Variants in KCNMA1 observed in about 807,000 individuals in gnomAD.
The protein encoded by KCNMA1 is potassium calcium-activated channel subfamily M alpha 1, also known as Calcium-activated potassium channel subunit alpha-1.
Under a neutral mutation model 140.0 loss-of-function variants are expected in KCNMA1, and 29 were observed. The ratio of observed to expected loss-of-function variants is 0.21; its 90% CI spans 0.15 to 0.28. The LOEUF (loss-of-function observed/expected upper bound fraction) is 0.28. KCNMA1 is among the 10% of genes least tolerant of loss of function. The pLI is 1.00. For synonymous variants in KCNMA1, 612 were observed against 611.9 expected, an observed-to-expected ratio of 1.00 and a Z score of 0.00; for missense variants, 880 against 1,602.2, an observed-to-expected ratio of 0.55 and a Z score of 7.70.
intron 1 of KCNMA1, among the ~76,000 whole-genome samples, chr10:77,450,359 T>C (rs2097617690): frequency 6.6e-6 from 1 of 152,200 alleles, no homozygotes; most frequent in Admixed American, 6.5e-5. Flanking sequence ...CCCAGATTTA[T>C]TTTTTAAACT....
chr10:77,132,656 A>G (rs1596670965), intron 5 of KCNMA1, among the ~76,000 whole-genome samples: 1 of 152,000 alleles, frequency 6.6e-6, no homozygotes, highest in East Asian at 1.9e-4. Flanking sequence ...AAATCCAAGC[A>G]TATTGTGGAT....
intron 2 of KCNMA1, among the ~76,000 whole-genome samples, chr10:77,379,191 A>T (rs1357663976): frequency 1.3e-5 from 2 of 152,216 alleles, no homozygotes; most frequent in Admixed American, 1.3e-4. Context: ...CACCTGCTTG[A>T]CGGAATTCTG....
At chr10:77,418,530 C>T (rs552707981) in intron 1 of KCNMA1, among the ~76,000 whole-genome samples, 4 of 152,192 alleles carry the variant, frequency 2.6e-5, no homozygotes, top group South Asian at 2.1e-4. Context: ...CAGAGCTCAC[C>T]GAGTGTCTGG....
At chr10:77,249,505 G>A (rs887129576) in intron 3 of KCNMA1, 2 of 152,064 alleles carry the variant, frequency 1.3e-5, no homozygotes, top group Non-Finnish European at 2.9e-5. Flanking sequence ...ATAAAAAAAC[G>A]AAAAGGGAAG....
chr10:77,090,715 AGCCATATG>A, intron 9 of KCNMA1: 2 of 598,742 alleles, frequency 3.3e-6, no homozygotes, highest in South Asian at 4.0e-5. Flanking sequence ...TAGACAGAAA[AGCCATATG>A]GCTTCTCACC....
chr10:77,005,567 G>A (rs1425698901), intron 18 of KCNMA1, among the ~76,000 whole-genome samples: 1 of 152,142 alleles, frequency 6.6e-6, no homozygotes, highest in Non-Finnish European at 1.5e-5. Context: ...AAGGCTCTAG[G>A]GACTCAGTTT....
At chr10:77,058,978 C>T (rs2095642686) in intron 14 of KCNMA1, among the ~76,000 whole-genome samples, 1 of 151,204 alleles carries the variant, frequency 6.6e-6, no homozygotes, top group African/African-American at 2.4e-5. Context: ...GTAAGAGTGA[C>T]AAATAAGAGA....
intron 1 of KCNMA1, among the ~76,000 whole-genome samples, chr10:77,493,349 C>T (rs1311823774): frequency 6.6e-6 from 1 of 152,218 alleles, no homozygotes; most frequent in East Asian, 1.9e-4. Flanking sequence ...CCTGGTGGTT[C>T]GGATGGCAGC....
At chr10:76,987,061 CT>C (rs36062874) in intron 19 of KCNMA1, among the ~76,000 whole-genome samples, 63,225 of 139,634 alleles carry the variant, frequency 0.45, 13,528 homozygotes, top group Middle Eastern at 0.5. Flanking sequence ...AGCCTTGAGA[CT>C]TTTTTTTTTT....
intron 19 of KCNMA1, among the ~76,000 whole-genome samples, chr10:76,985,818 T>C (rs1015956362): frequency 3.3e-5 from 5 of 152,170 alleles, no homozygotes; most frequent in Admixed American, 3.3e-4. Flanking sequence ...ACAGAGAAGG[T>C]TGGTGATTTT....
intron 3 of KCNMA1, among the ~76,000 whole-genome samples, chr10:77,248,184 C>T (rs1295094633): frequency 6.6e-6 from 1 of 152,164 alleles, no homozygotes; most frequent in Non-Finnish European, 1.5e-5. Flanking sequence ...AAATAACTAC[C>T]TAGCCTGCTT....
At chr10:77,060,308 T>C (rs1310762996) in intron 14 of KCNMA1, among the ~76,000 whole-genome samples, 1 of 152,236 alleles carries the variant, frequency 6.6e-6, no homozygotes, top group African/African-American at 2.4e-5. Flanking sequence ...ATGCCCATTT[T>C]AAGCAACAGA....
rs564906624 is a variant in KCNMA1, at chr10:76,995,703, C to T, written c.2266+5704G>A. ...CTGTCAGGATGAGTATCCTGAGAAC[C>T]GGCCACTGTCCTGAAATAAAAAAGC... is the stretch of plus-strand genomic sequence containing the variant. On this transcript the variant is annotated intron_variant, in intron 19 of 27. Coordinates refer to ENST00000286628, the MANE Select transcript of KCNMA1 (RefSeq NM_001161352.2). 3.8e-4 allele frequency: 179 copies of T among 470,360 alleles called. 1 individual carries two copies. The highest frequency in any genetic ancestry group is 7.6e-4 in the Middle Eastern group (2 of 2,616). 29.1% of individuals were successfully genotyped at this position (470,360 alleles called of 1,614,324 possible).
intron 1 of KCNMA1, among the ~76,000 whole-genome samples, chr10:77,472,144 CAT>C (rs1178173734): frequency 9.3e-5 from 14 of 150,754 alleles, no homozygotes; most frequent in Admixed American, 3.3e-4. Flanking sequence ...ACATACCACA[CAT>C]ATCACACATA....
intron 9 of KCNMA1, among the ~76,000 whole-genome samples, chr10:77,106,484 G>A (rs946937543): frequency 6.6e-5 from 10 of 151,880 alleles, no homozygotes; most frequent in South Asian, 6.2e-4. Flanking sequence ...GAAAGCTGCC[G>A]GCCTCCAGCC....
chr10:77,587,614 T>G (rs2077627222), intron 1 of KCNMA1: 8 of 705,566 alleles, frequency 1.1e-5, no homozygotes, highest in Non-Finnish European at 1.4e-5. Context: ...GGACTTTCTG[T>G]GTCTGGGCTG....
At chr10:77,611,571 T>G (rs12762216) in intron 1 of KCNMA1, among the ~76,000 whole-genome samples, 36,309 of 152,192 alleles carry the variant, frequency 0.24, 4,643 homozygotes, top group Middle Eastern at 0.37. Flanking sequence ...CTGATTCAGC[T>G]ACGTAAAGTC....
chr10:76,934,009 G>A (rs2059901728), intron 23 of KCNMA1, among the ~76,000 whole-genome samples: 1 of 151,938 alleles, frequency 6.6e-6, no homozygotes, highest in Admixed American at 6.6e-5. Context: ...ATCTCACTCT[G>A]TTACCCAGGC....
At chr10:77,385,768 G>A (rs537266255) in intron 2 of KCNMA1, among the ~76,000 whole-genome samples, 1 of 152,338 alleles carries the variant, frequency 6.6e-6, no homozygotes, top group African/African-American at 2.4e-5. Context: ...TTTGCTTGAA[G>A]TGTTTGGGCT....
Sources: allele counts gnomAD v4.1 joint callset (sites outside exome capture counted in the v4.1 genomes callset), GRCh38; gene constraint gnomAD v4.1.1; transcripts MANE v1.5; gene names NCBI Gene and HGNC (gene_info 2026-07-23, HGNC 2026-07-21).